Variants in ACBD3 observed in about 807,000 individuals in gnomAD.
ACBD3 encodes the protein Golgi resident protein GCP60.
Under a neutral mutation model 66.9 loss-of-function variants are expected in ACBD3, and 30 were observed. That is an observed-to-expected ratio of 0.45 (90% CI 0.34 to 0.61). The LOEUF (loss-of-function observed/expected upper bound fraction) is 0.61. ACBD3 is among the 20% of genes least tolerant of loss of function. The probability of loss-of-function intolerance (pLI) is 0.02; values close to 1 mark genes in which losing one functional copy is unlikely to be tolerated. For missense variants in ACBD3, 544 were observed against 664.5 expected (o/e 0.82, Z 1.99); for synonymous variants, 278 against 259.8 (o/e 1.07, Z -0.68).
chr1:226,172,836 C>T (rs998071338), intron 1 of ACBD3, among the ~76,000 whole-genome samples: 11 of 152,050 alleles, frequency 7.2e-5, no homozygotes, highest in African/African-American at 1.9e-4. Context: ...CGGCGGCATG[C>T]GCCTGAAGTC....
Position 226,186,509 on chromosome 1 carries a change from T to C in ACBD3, c.167A>G (p.Glu56Gly). 4.2e-6 allele frequency: 6 copies of C among 1,412,382 alleles called. No homozygotes were observed. Among genetic ancestry groups the C allele is most frequent in the Non-Finnish European group, 5.5e-6 (6 of 1,088,010 alleles). 87.5% of individuals were successfully genotyped at this position (1,412,382 alleles called of 1,614,324 possible). Residue 56 changes from glutamate (E) to glycine (G), a missense_variant, in exon 1 of 8, where the codon GAG (glutamate) becomes GGG (glycine). Transcript: ENST00000366812. ...CGCCGCCTCCCCGGGCTCGGGCTGC[T>C]CCCCTGAGGCGCCCGGGCCGCGACC... Reference protein sequence around the residue: ...GSGRGPGASGEQPEPGEAAAG... With the variant: ...GSGRGPGASGGQPEPGEAAAG...
At position 226,161,696 on chromosome 1, in the gene ACBD3, G is replaced by A. The variant is rs1659778882; in HGVS notation, c.570-7C>T. 1.9e-6 allele frequency: 3 copies of A among 1,574,342 alleles called. No homozygotes were observed. The highest frequency in any genetic ancestry group is 2.6e-6 in the Non-Finnish European group (3 of 1,160,638). On this transcript the variant is annotated splice_polypyrimidine_tract_variant and splice_region_variant and intron_variant, in intron 3 of 7. Transcript: ENST00000366812. ...TCGCTCCTCTTCCTCCTTCCTACAA[G>A]GCAAAGATAGAGAATGAACCCTATA...
At position 226,168,459 on chromosome 1, in the gene ACBD3, A is replaced by G. The variant is rs536651484; in HGVS notation, c.287-2459T>C. Among the ~76,000 whole-genome samples, 24 of 152,298 alleles carry G rather than the reference A, an allele frequency of 1.6e-4. 1 individual carries two copies. The South Asian group carries it at 4.8e-3, about 30-fold the overall frequency. ...ATACAAGGACATTCATTGCAGCACTATTTTCTTGTTACTGGAAATAACTTA... is the reference window on the plus strand; with the variant it reads ...ATACAAGGACATTCATTGCAGCACTGTTTTCTTGTTACTGGAAATAACTTA... On this transcript the variant is annotated intron_variant, in intron 1 of 7. Coordinates refer to ENST00000366812, the MANE Select transcript of ACBD3 (RefSeq NM_022735.4).
chr1:226,178,574 C>CAAAAAAAAAAAAAAAAAA (rs57231361), intron 1 of ACBD3, among the ~76,000 whole-genome samples: 13 of 83,624 alleles, frequency 1.6e-4, no homozygotes, highest in African/African-American at 4.7e-4. Flanking sequence ...GACTCCGTCT[C>CAAAAAAAAAAAAAAAAAA]AAAAAAAAAA....
intron 4 of ACBD3, among the ~76,000 whole-genome samples, chr1:226,161,152 T>TTTTTTTC (rs1312875598): frequency 8.6e-5 from 13 of 150,634 alleles, no homozygotes; most frequent in Admixed American, 8.6e-4. Flanking sequence ...ATTCCTTTTT[T>TTTTTTTC]TTTTTGAGAC....
Position 226,164,898 on chromosome 1 carries a change from T to C in ACBD3, c.460A>G (p.Lys154Glu), listed in dbSNP as rs143911859. The change falls in exon 3 of 8, where the codon AAA becomes GAA. Residue 154 changes from lysine (K) to glutamate (E), a missense_variant. Lys to Glu is a moderately conservative substitution (Grantham distance 56). This residue lies in a region of ACBD3 where 383 missense variants were observed against 462.4 expected (regional missense o/e 0.83). Coordinates refer to ENST00000366812, the MANE Select transcript of ACBD3 (RefSeq NM_022735.4). ...REWAALGNMS[K>E]EDAMVEFVKL... is the part of the protein sequence containing the mutation. ...ACAAACTCCACCATGGCATCCTCTT[T>C]AGACATGTTTCCCAGGGCTGCCCAT... 3.8e-3 allele frequency: 6,050 copies of C among 1,602,670 alleles called. 16 individuals carry two copies. Among genetic ancestry groups the C allele is most frequent in the Middle Eastern group, 5.6e-3 (34 of 6,044 alleles).
intron 1 of ACBD3, among the ~76,000 whole-genome samples, chr1:226,182,369 C>T (rs760471171): frequency 1.3e-5 from 2 of 152,150 alleles, no homozygotes; most frequent in Admixed American, 6.5e-5. Flanking sequence ...GTAATCCCAG[C>T]GCTTTGGAAG....
intron 7 of ACBD3, among the ~76,000 whole-genome samples, chr1:226,150,185 T>C (rs1296952159): frequency 2.0e-5 from 3 of 151,158 alleles, no homozygotes; most frequent in South Asian, 2.1e-4. Flanking sequence ...CAGCCTCCCA[T>C]GTACCTGGGA....
rs1659798509 is a variant in ACBD3, at chr1:226,162,972, T to A, written c.570-1283A>T. On this transcript the variant is annotated intron_variant, in intron 3 of 7. Coordinates refer to ENST00000366812, the MANE Select transcript of ACBD3 (RefSeq NM_022735.4). ...TAACCACATCCGGCTAATTTTTGTA[T>A]TTTTTTTTTGTAGAGATGGGGTTTT... Among the ~76,000 whole-genome samples the A allele has an allele frequency of 2.8e-5, 4 of 144,616 alleles. No homozygotes were observed. In the Admixed American group the frequency reaches 2.8e-4, roughly 10 times the overall value. The allele number at this position is 144,616 out of a possible 152,430, so 94.9% of individuals were successfully genotyped here.
rs1325257144 is a variant in ACBD3, at chr1:226,146,124, A to G, written c.*486T>C. On this transcript the variant is annotated 3_prime_UTR_variant, in exon 8 of 8. Transcript: ENST00000366812. ...AACTGAGGCCATTTCTTTTTCTATTATAATCTGTGAGGTGTTGAGTTTTTA... is the reference window on the plus strand; with the variant it reads ...AACTGAGGCCATTTCTTTTTCTATTGTAATCTGTGAGGTGTTGAGTTTTTA... The G allele has an allele frequency of 6.5e-6, 1 of 154,524 alleles. No individual in the cohort carries two copies. The highest frequency in any genetic ancestry group is 1.4e-5 in the Non-Finnish European group (1 of 69,456). 9.6% of individuals were successfully genotyped at this position (154,524 alleles called of 1,614,324 possible). A position where few individuals can be genotyped will look rare whatever the true frequency, so the allele number is the denominator to read the frequency against.
intron 4 of ACBD3, among the ~76,000 whole-genome samples, chr1:226,161,167 T>C (rs1576233629): frequency 1.0e-5 from 1 of 97,758 alleles, no homozygotes; most frequent in South Asian, 2.7e-4. Flanking sequence ...TGAGACGGAG[T>C]TTCACTCATT....
At position 226,159,256 on chromosome 1, in the gene ACBD3, G is replaced by C; in HGVS notation, c.831C>G (p.Ile277Met). 1 of 1,614,206 alleles carries C rather than the reference G, an allele frequency of 6.2e-7. No individual in the cohort carries two copies. Reference protein sequence around the residue: ...PGNYEQQQILIRQLQEQHYQQ... With the variant: ...PGNYEQQQILMRQLQEQHYQQ... ...GATAGTGTTGCTCCTGCAACTGGCG[G>C]ATGAGAATTTGCTGCTGTTCGTAGT... The change falls in exon 5 of 8, where the codon ATC (isoleucine) becomes ATG (methionine). Residue 277 changes from isoleucine (I) to methionine (M), a missense_variant. Around this residue, in one of 3 missense-constraint regions of ACBD3, gnomAD observed 383 missense variants for 462.4 expected, o/e 0.83. Coordinates refer to ENST00000366812, the MANE Select transcript of ACBD3 (RefSeq NM_022735.4).
At chr1:226,148,108 G>T (rs185933938) in intron 7 of ACBD3, 2 of 152,178 alleles carry the variant, frequency 1.3e-5, no homozygotes, top group African/African-American at 4.8e-5. Flanking sequence ...GCAGATTAAG[G>T]AGATATGATG....
intron 7 of ACBD3, among the ~76,000 whole-genome samples, chr1:226,151,612 T>G (rs893515084): frequency 1.3e-5 from 2 of 152,198 alleles, no homozygotes; most frequent in African/African-American, 4.8e-5. Context: ...TTTCTGTATT[T>G]ACATAAAAAA....
intron 3 of ACBD3, among the ~76,000 whole-genome samples, 180 bp downstream of exon 3, chr1:226,164,609 C>G (rs1205423929): frequency 6.6e-6 from 1 of 152,122 alleles, no homozygotes; most frequent in Non-Finnish European, 1.5e-5. Context: ...CCTCCCTCCC[C>G]CCAAAACTTA....
At position 226,153,706 on chromosome 1, in the gene ACBD3, G is replaced by T. The variant is rs559004680; in HGVS notation, c.1090+941C>A. On this transcript the variant is annotated intron_variant, in intron 6 of 7. Transcript: ENST00000366812. ...ATGAGCTGCCCATGGAAAGCTAGTAGAGCTTTGAAAATGCAGTTATTTTCT... is the reference window on the plus strand; with the variant it reads ...ATGAGCTGCCCATGGAAAGCTAGTATAGCTTTGAAAATGCAGTTATTTTCT... 2.0e-5 allele frequency among the ~76,000 whole-genome samples: 3 copies of T among 152,276 alleles called. No individual in the cohort carries two copies. The South Asian group carries it at 6.2e-4, about 32-fold the overall frequency.
At chr1:226,172,337 A>G (rs950088008) in intron 1 of ACBD3, among the ~76,000 whole-genome samples, 1 of 152,094 alleles carries the variant, frequency 6.6e-6, no homozygotes, top group Non-Finnish European at 1.5e-5. Flanking sequence ...TGTGAGAATG[A>G]ACAAAACAGT....
chr1:226,157,180 C>G (rs1179329061), intron 5 of ACBD3, among the ~76,000 whole-genome samples: 1 of 151,688 alleles, frequency 6.6e-6, no homozygotes, highest in Non-Finnish European at 1.5e-5. Flanking sequence ...TTCCTTTTCT[C>G]TTCTCAGAAG....
chr1:226,181,302 T>A (rs915334982), intron 1 of ACBD3, among the ~76,000 whole-genome samples: 1 of 152,218 alleles, frequency 6.6e-6, no homozygotes, highest in African/African-American at 2.4e-5. Context: ...TTCCAATGAA[T>A]AAATTACAGC....
Sources: gnomAD v4.1 joint callset for allele counts (sites outside exome capture counted in the v4.1 genomes callset) on GRCh38, gnomAD v4.1.1 for gene constraint, gnomAD v4.1.1 regional missense constraint, MANE v1.5 for transcripts, NCBI Gene and HGNC (gene_info 2026-07-23, HGNC 2026-07-21) for gene names.